The following RFC1 variants were observed in gnomAD, a reference collection of about 807,000 sequenced individuals.
RFC1 encodes the protein replication factor C subunit 1, also known as A1 140 kDa subunit.
A neutral mutation model predicts 137.4 loss-of-function variants in RFC1; 37 were observed. The observed-to-expected ratio is 0.27, with a 90% CI of 0.21 to 0.35. RFC1 has a LOEUF of 0.35. RFC1 is among the 10% of genes least tolerant of loss of function. RFC1 has a pLI of 1.00. For missense variants in RFC1, 1,205 were observed against 1,358.5 expected (o/e 0.89, Z 1.78); for synonymous variants, 429 against 455.7 (o/e 0.94, Z 0.75).
rs200818452 is a variant in RFC1 at position 39,342,318 on chromosome 4, A to G, written c.331+27T>C. 8.1e-6 allele frequency: 13 copies of G among 1,600,364 alleles called. No individual in the cohort carries two copies. In the East Asian group the frequency reaches 2.7e-4, roughly 33 times the overall value. On this transcript the variant is annotated intron_variant, in intron 4 of 24. Coordinates refer to ENST00000349703, the MANE Select transcript of RFC1 (RefSeq NM_002913.5). ...AACTCAAGAACATAACACACACGGC[A>G]TCTCATATACCACAATGCAACCTTA...
rs1210108958 is a variant in RFC1 at position 39,288,311 on chromosome 4, T to G, written c.*450A>C. The G allele has an allele frequency of 6.5e-6, 1 of 152,956 alleles. No individual in the cohort carries two copies. The highest frequency in any genetic ancestry group is 1.5e-5 in the Non-Finnish European group (1 of 68,650). 9.5% of individuals were successfully genotyped at this position (152,956 alleles called of 1,614,324 possible). A position where few individuals can be genotyped will look rare whatever the true frequency, so the allele number is the denominator to read the frequency against. On this transcript the variant is annotated 3_prime_UTR_variant, in exon 25 of 25. Transcript: ENST00000349703. The stretch of plus-strand genomic sequence containing the variant: ...TCTAGGTGGTGACTGTTTTGTATAA[T>G]CATTTATTTACAAAATTTCACCACA...
intron 1 of RFC1, among the ~76,000 whole-genome samples, chr4:39,364,616 C>T (rs1336511320): frequency 6.6e-6 from 1 of 152,124 alleles, no homozygotes; most frequent in Non-Finnish European, 1.5e-5. Flanking sequence ...TCTACCATGC[C>T]TCTTAAAATC....
At chr4:39,349,382 C>T (rs571756678) in intron 2 of RFC1, among the ~76,000 whole-genome samples, 18 of 152,276 alleles carry the variant, frequency 1.2e-4, no homozygotes, top group African/African-American at 4.1e-4. Flanking sequence ...AAGGGTGGGG[C>T]TCTGATCTGA....
At chr4:39,352,207 C>T (rs886853707) in intron 1 of RFC1, among the ~76,000 whole-genome samples, 2 of 152,110 alleles carry the variant, frequency 1.3e-5, no homozygotes, top group Non-Finnish European at 2.9e-5. Context: ...GTCTGTGGAA[C>T]ATATACTCCA....
chr4:39,330,993 G>A (rs2109699083), intron 4 of RFC1, among the ~76,000 whole-genome samples: 1 of 152,116 alleles, frequency 6.6e-6, no homozygotes, highest in Non-Finnish European at 1.5e-5. Context: ...AAAAGGCTTT[G>A]CAAAAGGCTA....
intron 12 of RFC1, among the ~76,000 whole-genome samples, chr4:39,310,413 A>G (rs1158273005): frequency 6.6e-6 from 1 of 152,220 alleles, no homozygotes; most frequent in Non-Finnish European, 1.5e-5. Context: ...TAACTATGCT[A>G]TGGTTATGTA....
chr4:39,323,367 C>A lies in RFC1; in HGVS notation c.693G>T (p.Met231Ile), dbSNP rs1739613698. Residue 231 changes from methionine (M) to isoleucine (I), a missense_variant, in exon 7 of 25, where the codon ATG (methionine) becomes ATT (isoleucine). Around this residue, in one of 3 missense-constraint regions of RFC1, gnomAD observed 962 missense variants for 1,035.3 expected, o/e 0.93. Transcript: ENST00000349703. ...EDEEFARTLA[M>I]LDEEPKTKKA... is the part of the protein sequence containing the mutation. ...TTTTGGTCTTGGGTTCTTCATCCAA[C>A]ATGGCTAATGTTCTGGCAAACTCTT... 2 of 1,614,108 alleles carry A rather than the reference C, an allele frequency of 1.2e-6. No homozygotes were observed.
intron 7 of RFC1, 196 bp downstream of exon 7, chr4:39,323,144 G>A (rs1739602604): frequency 2.5e-6 from 1 of 396,938 alleles, no homozygotes; most frequent in Non-Finnish European, 4.5e-6. Context: ...AAAAGGTTCT[G>A]GTTTGTTTTG....
At chr4:39,305,061 A>C (rs1398045943) in intron 14 of RFC1, 133 bp from the exon 15 acceptor site, 2 of 670,862 alleles carry the variant, frequency 3.0e-6, no homozygotes, top group Non-Finnish European at 2.7e-6. Flanking sequence ...ATAAAGTATG[A>C]TACTAACAGA....
Position 39,355,096 on chromosome 4 carries a change from A to C in RFC1, c.4-3620T>G, listed in dbSNP as rs889038563. 2.0e-4 allele frequency among the ~76,000 whole-genome samples: 12 copies of C among 60,168 alleles called. No individual in the cohort carries two copies. The South Asian group carries it at 6.7e-3, about 33-fold the overall frequency. The allele number at this position is 60,168 out of a possible 152,430, so 39.5% of individuals were successfully genotyped here. A position where few individuals can be genotyped will look rare whatever the true frequency, so the allele number is the denominator to read the frequency against. On this transcript the variant is annotated intron_variant, in intron 1 of 24. Coordinates refer to ENST00000349703, the MANE Select transcript of RFC1 (RefSeq NM_002913.5). ...CACTCATCTCAAAAAAAAAAAAAAA[A>C]ATACACACACACACACACACACACA... is the stretch of plus-strand genomic sequence containing the variant.
rs187556765 is a variant in RFC1 at position 39,288,996 on chromosome 4, T to C, written c.3361-152A>G. 1.2e-4 allele frequency: 78 copies of C among 626,332 alleles called. No individual in the cohort carries two copies. In the African/African-American group the frequency reaches 1.4e-3, roughly 11 times the overall value. The allele number at this position is 626,332 out of a possible 1,614,324, so 38.8% of individuals were successfully genotyped here. On this transcript the variant is annotated intron_variant, in intron 24 of 24. Transcript: ENST00000349703. ...CGAGATCTTGAACTACTGCAACCCA[T>C]GAAGCGCTTACAGCAACAACTGCGC...
At chr4:39,299,033 G>C (rs190682648) in intron 21 of RFC1, among the ~76,000 whole-genome samples, 5 of 152,302 alleles carry the variant, frequency 3.3e-5, no homozygotes, top group African/African-American at 1.2e-4. Context: ...GAAGGTTGTG[G>C]GTTTACGGGA....
chr4:39,288,919 A>T, intron 24 of RFC1, 75 bp from the exon 25 acceptor site: 1 of 937,778 alleles, frequency 1.1e-6, no homozygotes, highest in Non-Finnish European at 1.7e-6. Flanking sequence ...CTCTATAACA[A>T]ATCTAATCTT....
At chr4:39,341,410 T>A (rs1357454201) in intron 4 of RFC1, 1 of 349,584 alleles carries the variant, frequency 2.9e-6, no homozygotes, top group Non-Finnish European at 5.6e-6. Flanking sequence ...AGGTTAAGAG[T>A]CAATCAGCCA....
intron 1 of RFC1, among the ~76,000 whole-genome samples, chr4:39,353,158 T>C (rs554661959): frequency 4.4e-4 from 67 of 152,188 alleles, no homozygotes; most frequent in African/African-American, 1.5e-3. Flanking sequence ...CCCAGTACTT[T>C]AGGAGGCCAA....
chr4:39,365,029 A>G (rs1421547865), intron 1 of RFC1, among the ~76,000 whole-genome samples: 2 of 152,064 alleles, frequency 1.3e-5, no homozygotes, highest in Admixed American at 6.6e-5. Flanking sequence ...GTAGTATAAC[A>G]TGGTGGTCAG....
Position 39,311,483 on chromosome 4 carries a change from C to T in RFC1, c.1450G>A (p.Gly484Ser). Residue 484 changes from glycine (G) to serine (S), a missense_variant, in exon 12 of 25, where the codon GGC becomes AGC. This residue lies in a region of RFC1 where 962 missense variants were observed against 1,035.3 expected (regional missense o/e 0.93). Transcript: ENST00000349703. ...GCTATTTCATACTTGGATTTCTTGC[C>T]TGGCATAGTCCGAATCAGATTCAAC... ...GLLNLIRTMPGKKSKYEIAVE... is the reference protein window; with the variant it reads ...GLLNLIRTMPSKKSKYEIAVE... The T allele has an allele frequency of 6.2e-7, 1 of 1,614,032 alleles. No individual in the cohort carries two copies. Among genetic ancestry groups the T allele is most frequent in the Non-Finnish European group, 8.5e-7 (1 of 1,179,968 alleles).
intron 19 of RFC1, 104 bp from the exon 20 acceptor site, chr4:39,300,518 C>T: frequency 3.6e-6 from 3 of 843,312 alleles, no homozygotes; most frequent in South Asian, 1.7e-5. Context: ...CCATTCATTG[C>T]TGGTGGGAAT....
At chr4:39,327,402 CAT>C in intron 5 of RFC1, 120 bp downstream of exon 5, 1 of 525,862 alleles carries the variant, frequency 1.9e-6, no homozygotes, top group Admixed American at 3.9e-5. Flanking sequence ...TATCCATAAT[CAT>C]AGGAAAATTA....
Sources: gnomAD v4.1 joint callset for allele counts (sites outside exome capture counted in the v4.1 genomes callset) on GRCh38, gnomAD v4.1.1 for gene constraint, gnomAD v4.1.1 regional missense constraint, MANE v1.5 for transcripts, NCBI Gene and HGNC (gene_info 2026-07-23, HGNC 2026-07-21) for gene names.